ROBO2: variants seen among roughly 807,000 people sequenced by gnomAD.
ROBO2 encodes the protein roundabout homolog 2.
Under a neutral mutation model 160.8 loss-of-function variants are expected in ROBO2, and 53 were observed. That is an observed-to-expected ratio of 0.33 (90% CI 0.26 to 0.41). The LOEUF is 0.41. ROBO2 is among the 10% of genes least tolerant of loss of function. ROBO2 has a pLI of 1.00. For missense variants in ROBO2, 1,577 were observed against 1,722.4 expected, an observed-to-expected ratio of 0.92 and a Z score of 1.49; for synonymous variants, 664 against 611.7, an observed-to-expected ratio of 1.09 and a Z score of -1.26.
chr3:76,073,859 C>A (rs1435086844), intron 2 of ROBO2, among the ~76,000 whole-genome samples: 1 of 151,952 alleles, frequency 6.6e-6, no homozygotes, highest in African/African-American at 2.4e-5. Flanking sequence ...ACAAGGGTTC[C>A]CTTTTAAAAA....
At chr3:76,379,518 A>T (rs1362602715) in intron 2 of ROBO2, among the ~76,000 whole-genome samples, 1 of 152,150 alleles carries the variant, frequency 6.6e-6, no homozygotes, top group Non-Finnish European at 1.5e-5. Flanking sequence ...AGTGTCTCTG[A>T]CACATTCACC....
intron 2 of ROBO2, among the ~76,000 whole-genome samples, chr3:77,377,262 G>A (rs2072816840): frequency 6.6e-6 from 1 of 152,142 alleles, no homozygotes; most frequent in African/African-American, 2.4e-5. Context: ...AAATTATCTT[G>A]TTCCCCTAGC....
chr3:77,411,133 C>G (rs1399906367), intron 2 of ROBO2, among the ~76,000 whole-genome samples: 1 of 152,100 alleles, frequency 6.6e-6, no homozygotes, highest in Non-Finnish European at 1.5e-5. Context: ...CTTATAAGCA[C>G]AGAGCAGAAA....
intron 2 of ROBO2, among the ~76,000 whole-genome samples, chr3:77,161,569 T>C (rs2078489681): frequency 6.6e-6 from 1 of 152,216 alleles, no homozygotes; most frequent in Non-Finnish European, 1.5e-5. Flanking sequence ...GAACATTATT[T>C]AGATAGTGAT....
At chr3:76,706,361 C>T (rs1030019891) in intron 2 of ROBO2, among the ~76,000 whole-genome samples, 10 of 152,090 alleles carry the variant, frequency 6.6e-5, no homozygotes, top group Admixed American at 4.6e-4. Context: ...TTACCTCATC[C>T]GGAAGGTACA....
chr3:76,116,438 G>T (rs552967389), intron 2 of ROBO2, among the ~76,000 whole-genome samples: 1 of 152,168 alleles, frequency 6.6e-6, no homozygotes, highest in Non-Finnish European at 1.5e-5. Flanking sequence ...TAATTCTATT[G>T]AATATTAGCG....
intron 2 of ROBO2, among the ~76,000 whole-genome samples, chr3:76,313,675 A>C (rs974558091): frequency 6.6e-6 from 1 of 152,176 alleles, no homozygotes; most frequent in Non-Finnish European, 1.5e-5. Flanking sequence ...ACAATCTTTA[A>C]AACAGATACT....
At chr3:76,654,057 A>G (rs2091376454) in intron 2 of ROBO2, among the ~76,000 whole-genome samples, 1 of 152,192 alleles carries the variant, frequency 6.6e-6, no homozygotes, top group Admixed American at 6.5e-5. Flanking sequence ...TTTATCAGCC[A>G]TATTCAGGAT....
chr3:76,700,150 TC>T (rs1037143011), intron 2 of ROBO2, among the ~76,000 whole-genome samples: 6 of 152,088 alleles, frequency 3.9e-5, no homozygotes, highest in Non-Finnish European at 7.4e-5. Context: ...ACTATTCTTT[TC>T]CCCAAGTTTT....
chr3:77,215,746 A>T (rs1214000140), intron 2 of ROBO2, among the ~76,000 whole-genome samples: 3 of 152,166 alleles, frequency 2.0e-5, no homozygotes, highest in African/African-American at 7.2e-5. Context: ...GGTGACGTAC[A>T]GATGGGGTTT....
rs150989091 is a variant in ROBO2, at chr3:77,345,320, T to C, written c.389-132094T>C. ...TTTTCTGAAGCAATCCAAGAGAAGG[T>C]AGAAACATGGCAGACTTGGAAATCA... On this transcript the variant is annotated intron_variant, in intron 2 of 25. Coordinates refer to ENST00000461745, the Ensembl canonical transcript of ROBO2. Among the ~76,000 whole-genome samples, 743 of 152,108 alleles carry C rather than the reference T, an allele frequency of 4.9e-3. 2 individuals carry two copies. Among genetic ancestry groups the C allele is most frequent in the African/African-American group, 0.017 (711 of 41,510 alleles).
intron 2 of ROBO2, among the ~76,000 whole-genome samples, chr3:76,576,549 G>A (rs963900991): frequency 6.6e-6 from 1 of 151,964 alleles, no homozygotes; most frequent in Non-Finnish European, 1.5e-5. Flanking sequence ...TCACAAATCA[G>A]GTGGCCTACT....
intron 2 of ROBO2, among the ~76,000 whole-genome samples, chr3:76,263,977 C>T (rs953750720): frequency 2.6e-5 from 4 of 152,122 alleles, no homozygotes; most frequent in Admixed American, 1.3e-4. Flanking sequence ...GAACAGAAAA[C>T]CAAACTCCAC....
At chr3:75,918,087 T>C (rs2106800508) in intron 1 of ROBO2, among the ~76,000 whole-genome samples, 1 of 152,346 alleles carries the variant, frequency 6.6e-6, no homozygotes, top group Admixed American at 6.5e-5. Flanking sequence ...CTGTTGGTGT[T>C]TTAGTCACGA....
intron 2 of ROBO2, among the ~76,000 whole-genome samples, chr3:76,184,542 G>GAGATAGAT (rs78271272): frequency 0.014 from 1,990 of 146,390 alleles, 23 homozygotes; most frequent in African/African-American, 0.022. Flanking sequence ...GAACAAATAG[G>GAGATAGAT]AGATAGATAG....
intron 2 of ROBO2, among the ~76,000 whole-genome samples, chr3:76,745,012 C>T (rs541127747): frequency 1.3e-5 from 2 of 152,202 alleles, no homozygotes; most frequent in South Asian, 2.1e-4. Context: ...TCTAATTCTA[C>T]GAATGTTCTG....
At position 77,607,949 on chromosome 3, in the gene ROBO2, A is replaced by T. The variant is rs1266580725; in HGVS notation, c.3288A>T (p.Glu1096Asp). Reference sequence around the variant, plus strand: ...AACACTATGCAGTGGAACAACAAGAAAATGGGTAAAGATATTTTATATACT... The same window carrying T: ...AACACTATGCAGTGGAACAACAAGATAATGGGTAAAGATATTTTATATACT... Residue 1096 changes from glutamate (E) to aspartate (D), a missense_variant, in exon 21 of 26, where the codon GAA (glutamate) becomes GAT (aspartate). Around this residue, in one of 2 missense-constraint regions of ROBO2, gnomAD observed 637 missense variants for 586.9 expected, o/e 1.09. Transcript: ENST00000461745. 5 of 1,613,848 alleles carry T rather than the reference A, an allele frequency of 3.1e-6. No individual in the cohort carries two copies. The highest frequency in any genetic ancestry group is 1.3e-5 in the African/African-American group (1 of 74,878).
chr3:75,948,082 C>T (rs187895233), intron 2 of ROBO2, among the ~76,000 whole-genome samples: 1 of 151,924 alleles, frequency 6.6e-6, no homozygotes, highest in Admixed American at 6.6e-5. Flanking sequence ...AAATGAAGGC[C>T]CCAGGTAGCC....
chr3:76,694,636 T>TATC (rs1002810927), intron 2 of ROBO2, among the ~76,000 whole-genome samples: 1 of 152,062 alleles, frequency 6.6e-6, no homozygotes, highest in Non-Finnish European at 1.5e-5. Flanking sequence ...AAAAAAAGGG[T>TATC]ATCTTTTAAC....
Sources: gnomAD v4.1 joint callset for allele counts (sites outside exome capture counted in the v4.1 genomes callset) on GRCh38, gnomAD v4.1.1 for gene constraint, gnomAD v4.1.1 regional missense constraint, MANE v1.5 for transcripts, NCBI Gene and HGNC (gene_info 2026-07-23, HGNC 2026-07-21) for gene names.